Variants in ODAD2 observed in about 807,000 individuals in gnomAD.
ODAD2 encodes the protein outer dynein arm-docking complex subunit 2.
Under a neutral mutation model 106.8 loss-of-function variants are expected in ODAD2, and 89 were observed. That is an observed-to-expected ratio of 0.83 (90% CI 0.70 to 0.99). ODAD2 has a LOEUF of 0.99. Among genes scored for constraint, ODAD2 ranks in the 50% least tolerant of loss-of-function variants. ODAD2 has a pLI of 0.00. For synonymous variants in ODAD2, 404 were observed against 436.2 expected, an observed-to-expected ratio of 0.93 and a Z score of 0.92; for missense variants, 1,168 against 1,238.5, an observed-to-expected ratio of 0.94 and a Z score of 0.85.
At chr10:27,943,687 T>C (rs2132617472) in intron 12 of ODAD2, among the ~76,000 whole-genome samples, 1 of 149,650 alleles carries the variant, frequency 6.7e-6, no homozygotes, top group South Asian at 2.1e-4. Context: ...CTTGGGAGGC[T>C]GAGACAGGAA....
chr10:27,848,822 C>T (rs1839011196), intron 19 of ODAD2, among the ~76,000 whole-genome samples: 1 of 152,172 alleles, frequency 6.6e-6, no homozygotes, highest in African/African-American at 2.4e-5. Flanking sequence ...CACTGGCCAT[C>T]AGAGAAATGC....
intron 19 of ODAD2, among the ~76,000 whole-genome samples, chr10:27,841,340 G>C (rs938240878): frequency 2.6e-5 from 4 of 152,034 alleles, no homozygotes; most frequent in Non-Finnish European, 5.9e-5. Flanking sequence ...TGCGCTTACA[G>C]CTCACCAGCC....
intron 19 of ODAD2, among the ~76,000 whole-genome samples, chr10:27,812,960 C>T (rs1251239169): frequency 6.6e-6 from 1 of 152,156 alleles, no homozygotes; most frequent in African/African-American, 2.4e-5. Flanking sequence ...GCATACCATG[C>T]TTAGACTAGT....
At chr10:27,885,779 T>TA (rs1229213629) in intron 17 of ODAD2, among the ~76,000 whole-genome samples, 3 of 46,176 alleles carry the variant, frequency 6.5e-5, no homozygotes, top group African/African-American at 2.4e-4. Flanking sequence ...TTATATAAAA[T>TA]ATATATTATA....
chr10:27,914,903 T>C (rs948240501), intron 16 of ODAD2, among the ~76,000 whole-genome samples: 1 of 151,928 alleles, frequency 6.6e-6, no homozygotes, highest in Non-Finnish European at 1.5e-5. Flanking sequence ...AAGCCTGACC[T>C]TTTCTCTTTG....
chr10:27,836,270 T>G (rs1452494765), intron 19 of ODAD2: 3 of 152,118 alleles, frequency 2.0e-5, no homozygotes, highest in African/African-American at 7.2e-5. Context: ...AATATTATCA[T>G]CCTCATAGAA....
At chr10:27,845,403 A>C (rs892057139) in intron 19 of ODAD2, among the ~76,000 whole-genome samples, 13 of 152,188 alleles carry the variant, frequency 8.5e-5, no homozygotes, top group Non-Finnish European at 2.9e-5. Flanking sequence ...GCCTGCCCTA[A>C]AAGAGCTCCT....
chr10:27,919,926 T>G (rs1402792268), intron 16 of ODAD2, among the ~76,000 whole-genome samples: 1 of 152,150 alleles, frequency 6.6e-6, no homozygotes, highest in East Asian at 1.9e-4. Context: ...ACTAAACAAT[T>G]AAGTGTAAAA....
intron 9 of ODAD2, among the ~76,000 whole-genome samples, chr10:27,966,428 C>T (rs1848492930): frequency 6.6e-6 from 1 of 152,178 alleles, no homozygotes; most frequent in Non-Finnish European, 1.5e-5. Context: ...TACCCAATCA[C>T]TCCACAATCC....
At position 27,940,793 on chromosome 10, in the gene ODAD2, C is replaced by G; in HGVS notation, c.1756G>C (p.Asp586His). 6.2e-7 allele frequency: 1 copy of G among 1,613,792 alleles called. No individual in the cohort carries two copies. The highest frequency in any genetic ancestry group is 1.7e-4 in the Middle Eastern group (1 of 6,052). The change falls in exon 13 of 20, where the codon GAC becomes CAC. Residue 586 changes from aspartate to histidine, a missense_variant. By Grantham distance (81) the Asp-to-His change is moderately conservative (BLOSUM62 -1). This residue lies in a region of ODAD2 where 701 missense variants were observed against 712.3 expected (regional missense o/e 0.98). Coordinates refer to ENST00000305242, the MANE Select transcript of ODAD2 (RefSeq NM_018076.5). ...GGITKLVALL[D>H]CAHDSTKPAQ... ...GGTTTTGTGGAATCATGTGCACAGT[C>G]TAGTAGAGCAACCTATAATAATAGA...
intron 15 of ODAD2, among the ~76,000 whole-genome samples, 187 bp downstream of exon 15, chr10:27,936,539 C>T (rs2134098346): frequency 6.6e-6 from 1 of 152,248 alleles, no homozygotes; most frequent in East Asian, 1.9e-4. Flanking sequence ...AAAGTCATTG[C>T]CAGGTGGTGG....
At chr10:27,949,671 C>A (rs1221181856) in intron 10 of ODAD2, among the ~76,000 whole-genome samples, 1 of 152,128 alleles carries the variant, frequency 6.6e-6, no homozygotes, top group Admixed American at 6.5e-5. Context: ...TGAGAATTTT[C>A]ATCTTTATTT....
chr10:27,950,907 A>T (rs946885213), intron 10 of ODAD2, among the ~76,000 whole-genome samples: 12 of 152,220 alleles, frequency 7.9e-5, no homozygotes, highest in African/African-American at 1.9e-4. Flanking sequence ...ATAATTAATT[A>T]AAAAATAGTT....
intron 17 of ODAD2, among the ~76,000 whole-genome samples, chr10:27,900,578 G>A (rs1396631143): frequency 6.6e-6 from 1 of 152,166 alleles, no homozygotes; most frequent in East Asian, 1.9e-4. Context: ...ACAGGTTAGA[G>A]AAATTGCTAA....
chr10:27,897,334 A>G (rs532097630), intron 17 of ODAD2, among the ~76,000 whole-genome samples: 1 of 152,262 alleles, frequency 6.6e-6, no homozygotes, highest in African/African-American at 2.4e-5. Flanking sequence ...GTGTATTCAA[A>G]TGACTGGACA....
At chr10:27,871,323 G>C (rs1028444325) in intron 17 of ODAD2, among the ~76,000 whole-genome samples, 2 of 152,108 alleles carry the variant, frequency 1.3e-5, no homozygotes, top group Non-Finnish European at 1.5e-5. Flanking sequence ...CACTCTGATG[G>C]TAGTTTCTTT....
At chr10:27,821,617 C>T (rs376478054) in intron 19 of ODAD2, among the ~76,000 whole-genome samples, 13 of 152,236 alleles carry the variant, frequency 8.5e-5, no homozygotes, top group East Asian at 1.9e-4. Flanking sequence ...AAGTGCAGTT[C>T]GTGTTTTCAA....
chr10:27,969,390 G>A (rs2132957614), intron 8 of ODAD2, among the ~76,000 whole-genome samples: 1 of 152,406 alleles, frequency 6.6e-6, no homozygotes, highest in South Asian at 2.1e-4. Flanking sequence ...GGTTTTCCAG[G>A]TATTCGCAGG....
Position 27,824,153 on chromosome 10 carries a change from A to T in ODAD2, c.3022-11528T>A, listed in dbSNP as rs1836853208. On this transcript the variant is annotated intron_variant, in intron 19 of 19. Coordinates refer to ENST00000305242, the MANE Select transcript of ODAD2 (RefSeq NM_018076.5). Reference sequence around the variant, plus strand: ...GACTCCGTCTCAAAAAAAAAAAAAAAAAAAAAAAAAAAAATAGTTCAATAA... The same window carrying T: ...GACTCCGTCTCAAAAAAAAAAAAAATAAAAAAAAAAAAAATAGTTCAATAA... Among the ~76,000 whole-genome samples the T allele has an allele frequency of 2.6e-5, 3 of 115,840 alleles. 1 individual carries two copies. The Admixed American group carries it at 2.8e-4, about 11-fold the overall frequency. 76.0% of individuals were successfully genotyped at this position (115,840 alleles called of 152,430 possible).
Sources: allele counts gnomAD v4.1 joint callset (sites outside exome capture counted in the v4.1 genomes callset), GRCh38; gene constraint gnomAD v4.1.1; regional missense constraint gnomAD v4.1.1; transcripts MANE v1.5; gene names NCBI Gene and HGNC (gene_info 2026-07-23, HGNC 2026-07-21).